The following SLC1A1 variants were observed in gnomAD, a reference collection of about 807,000 sequenced individuals.
SLC1A1 encodes excitatory amino acid transporter 3.
A neutral mutation model predicts 53.3 loss-of-function variants in SLC1A1; 43 were observed. The observed-to-expected ratio is 0.81, with a 90% CI of 0.63 to 1.04. The LOEUF (loss-of-function observed/expected upper bound fraction) is 1.04. SLC1A1 is among the 50% of genes least tolerant of loss of function. The pLI is 0.00. For synonymous variants in SLC1A1, 307 were observed against 243.2 expected, an observed-to-expected ratio of 1.26 and a Z score of -2.44; for missense variants, 748 against 664.9, an observed-to-expected ratio of 1.12 and a Z score of -1.37.
At chr9:4,579,428 A>T (rs1820859838) in intron 10 of SLC1A1, among the ~76,000 whole-genome samples, 1 of 152,100 alleles carries the variant, frequency 6.6e-6, no homozygotes, top group Non-Finnish European at 1.5e-5. Flanking sequence ...TGTGTATTTG[A>T]CACTTTGTGA....
rs1820833180 is a variant in SLC1A1, at chr9:4,579,148, G to A, written c.1193+2385G>A. ...CCAGCTGGGGAACTATCCCAATGCT[G>A]TGTAATCTATAAAAAGTGTTAGCGG... On this transcript the variant is annotated intron_variant, in intron 10 of 11. Coordinates refer to ENST00000262352, the MANE Select transcript of SLC1A1 (RefSeq NM_004170.6). Among the ~76,000 whole-genome samples the A allele has an allele frequency of 2.0e-5, 3 of 152,356 alleles. No homozygotes were observed. The South Asian group carries it at 6.2e-4, about 32-fold the overall frequency.
rs915182393 is a variant in SLC1A1 at position 4,556,343 on chromosome 9, A to G, written c.233-5106A>G. Among the ~76,000 whole-genome samples the G allele has an allele frequency of 6.6e-6, 1 of 152,154 alleles. No individual in the cohort carries two copies. Among genetic ancestry groups the G allele is most frequent in the African/African-American group, 2.4e-5 (1 of 41,424 alleles). ...CCCCTATCTTTTATTATTACATTCAACAGAAATAAAGTTACTGTCCAATTA... is the reference window on the plus strand; with the variant it reads ...CCCCTATCTTTTATTATTACATTCAGCAGAAATAAAGTTACTGTCCAATTA... On this transcript the variant is annotated intron_variant, in intron 2 of 11. Coordinates refer to ENST00000262352, the MANE Select transcript of SLC1A1 (RefSeq NM_004170.6). This position sits in a 1 kb window ranked among gnomAD's most constrained non-coding sequence, Gnocchi z 4.1.
intron 1 of SLC1A1, among the ~76,000 whole-genome samples, chr9:4,510,926 G>C (rs2094806): frequency 0.28 from 42,435 of 152,046 alleles, 5,981 homozygotes; most frequent in South Asian, 0.36. Flanking sequence ...TAGAAGGTAT[G>C]CTGTTCACTG....
intron 1 of SLC1A1, among the ~76,000 whole-genome samples, chr9:4,522,976 T>A (rs1816135469): frequency 6.6e-6 from 1 of 152,118 alleles, no homozygotes; most frequent in Non-Finnish European, 1.5e-5. Context: ...AGAAACACAA[T>A]CTTTTGATCA....
intron 4 of SLC1A1, 112 bp from the exon 5 acceptor site, chr9:4,565,935 A>C (rs1334924320): frequency 1.2e-6 from 1 of 865,072 alleles, no homozygotes; most frequent in Non-Finnish European, 2.0e-6. Flanking sequence ...CAGGGGCCAG[A>C]AGAGAAACCA....
chr9:4,513,916 T>C (rs1005643298), intron 1 of SLC1A1, among the ~76,000 whole-genome samples: 2 of 152,202 alleles, frequency 1.3e-5, no homozygotes, highest in African/African-American at 2.4e-5. Context: ...AGAGGCATTA[T>C]AGTCAGTGAA....
intron 3 of SLC1A1, 54 bp downstream of exon 3, chr9:4,561,595 CG>C: frequency 8.7e-7 from 1 of 1,155,190 alleles, no homozygotes. Flanking sequence ...TTTTTTCATT[CG>C]AAAAGTAGTT....
chr9:4,524,202 T>G (rs913197656), intron 1 of SLC1A1, among the ~76,000 whole-genome samples: 7 of 152,230 alleles, frequency 4.6e-5, no homozygotes, highest in African/African-American at 1.7e-4. Context: ...AGCAAGATTG[T>G]TCCTATACAT....
chr9:4,538,165 C>G (rs1413459134), intron 1 of SLC1A1, among the ~76,000 whole-genome samples: 1 of 152,140 alleles, frequency 6.6e-6, no homozygotes. Context: ...GTGACAGCCT[C>G]AGGAGGTCCT....
chr9:4,532,395 C>G (rs1248410337), intron 1 of SLC1A1, among the ~76,000 whole-genome samples: 2 of 152,078 alleles, frequency 1.3e-5, no homozygotes, highest in East Asian at 3.9e-4. Flanking sequence ...AAAACCAAGG[C>G]ACGAGAACTA....
At chr9:4,508,351 G>A (rs561187089) in intron 1 of SLC1A1, among the ~76,000 whole-genome samples, 1 of 152,302 alleles carries the variant, frequency 6.6e-6, no homozygotes, top group South Asian at 2.1e-4. Context: ...GGGAGAGTGA[G>A]AGTCTGGTTG....
At chr9:4,540,164 A>C (rs1315813638) in intron 1 of SLC1A1, among the ~76,000 whole-genome samples, 1 of 152,128 alleles carries the variant, frequency 6.6e-6, no homozygotes, top group Non-Finnish European at 1.5e-5. Flanking sequence ...CTTGACTTCA[A>C]AGGGATGGCT....
chr9:4,532,400 G>A (rs1209040722), intron 1 of SLC1A1, among the ~76,000 whole-genome samples: 1 of 152,056 alleles, frequency 6.6e-6, no homozygotes, highest in Non-Finnish European at 1.5e-5. Flanking sequence ...CAAGGCACGA[G>A]AACTACGTGA....
Position 4,576,689 on chromosome 9 carries a change from T to G in SLC1A1, c.1119T>G (p.Tyr373Ter). ...TCAACATGGATGGGACTGCGCTCTA[T>G]GAAGCAGTGGCAGCGGTGTTTATTG... ...ATINMDGTALYEAVAAVFIAQ... is the reference protein window; with the variant it reads ...ATINMDGTAL Residue 373 changes from tyrosine (Y) to a stop codon, truncating the protein, a stop_gained, in exon 10 of 12, where the codon TAT becomes TAG. Coordinates refer to ENST00000262352, the MANE Select transcript of SLC1A1 (RefSeq NM_004170.6). LOFTEE classifies it high-confidence loss of function. 6.2e-7 allele frequency: 1 copy of G among 1,614,170 alleles called. No homozygotes were observed. Among genetic ancestry groups the G allele is most frequent in the South Asian group, 1.1e-5 (1 of 91,074 alleles).
intron 1 of SLC1A1, among the ~76,000 whole-genome samples, chr9:4,510,375 G>C (rs1166095135): frequency 1.3e-5 from 2 of 152,172 alleles, no homozygotes; most frequent in Non-Finnish European, 2.9e-5. Context: ...ACCAGTGGCA[G>C]CTTCTCTGTC....
Position 4,585,463 on chromosome 9 carries a change from A to T in SLC1A1, c.1480A>T (p.Asn494Tyr). 1 of 1,614,252 alleles carries T rather than the reference A, an allele frequency of 6.2e-7. No homozygotes were observed. Among genetic ancestry groups the T allele is most frequent in the Non-Finnish European group, 8.5e-7 (1 of 1,180,052 alleles). Residue 494 changes from asparagine to tyrosine, a missense_variant, in exon 12 of 12, where the codon AAC becomes TAC. Physicochemically the swap from Asn to Tyr is moderately radical, Grantham distance 143. Coordinates refer to ENST00000262352, the MANE Select transcript of SLC1A1 (RefSeq NM_004170.6). ...PFALESTILD[N>Y]EDSDTKKSYV... Reference sequence around the variant, plus strand: ...TGCCTTGGAATCCACAATCCTTGACAACGAAGACTCAGACACCAAGAAGTC... The same window carrying T: ...TGCCTTGGAATCCACAATCCTTGACTACGAAGACTCAGACACCAAGAAGTC...
chr9:4,584,971 G>C (rs1821454379), intron 11 of SLC1A1, among the ~76,000 whole-genome samples: 1 of 152,078 alleles, frequency 6.6e-6, no homozygotes, highest in African/African-American at 2.4e-5. Flanking sequence ...ATTGAATCTA[G>C]AAAATCCCAA....
intron 1 of SLC1A1, among the ~76,000 whole-genome samples, chr9:4,520,205 A>G (rs1359168386): frequency 6.6e-6 from 1 of 152,182 alleles, no homozygotes; most frequent in Non-Finnish European, 1.5e-5. Context: ...AGACTTTCAG[A>G]TCTGATAGGC....
intron 1 of SLC1A1, among the ~76,000 whole-genome samples, chr9:4,509,457 T>G (rs1586697711): frequency 6.7e-6 from 1 of 149,490 alleles, no homozygotes; most frequent in African/African-American, 2.5e-5. Context: ...CAAGAGAGGG[T>G]GATGGGGTTT....
Sources: gnomAD v4.1 joint callset for allele counts (sites outside exome capture counted in the v4.1 genomes callset) on GRCh38, gnomAD v4.1.1 for gene constraint, Gnocchi (gnomAD v3.1) non-coding constraint, MANE v1.5 for transcripts, NCBI Gene and HGNC (gene_info 2026-07-23, HGNC 2026-07-21) for gene names.